The following BCAS3 variants were observed in gnomAD, a reference collection of about 807,000 sequenced individuals.
BCAS3 encodes BCAS4/BCAS3 fusion.
BCAS3 carries 53 observed loss-of-function variants against 116.1 expected under a neutral mutation model. The ratio of observed to expected loss-of-function variants is 0.46; its 90% CI spans 0.37 to 0.57. The LOEUF is 0.57. Ranked by LOEUF, BCAS3 falls within the 20% of genes least tolerant of loss-of-function variation. BCAS3 has a pLI of 0.00. For missense variants in BCAS3, 917 were observed against 1,165.4 expected, an observed-to-expected ratio of 0.79 and a Z score of 3.10; for synonymous variants, 391 against 408.2, an observed-to-expected ratio of 0.96 and a Z score of 0.51.
intron 7 of BCAS3, among the ~76,000 whole-genome samples, chr17:60,831,311 G>T (rs1280700702): frequency 2.0e-5 from 3 of 151,932 alleles, no homozygotes; most frequent in African/African-American, 7.3e-5. Context: ...TGAGTAGCTG[G>T]GACTACAGGC....
In BCAS3 at chr17:61,059,554, C is replaced by T. The variant is rs144446759; in HGVS notation, c.2030-15366C>T. On this transcript the variant is annotated intron_variant, in intron 19 of 23. Transcript: ENST00000407086. The stretch of plus-strand genomic sequence containing the variant: ...TGTGTGAGAATGAATACCCTTCTTC[C>T]GTGAGGTCTTTCTTGCTTCTCATGA... 2.5e-3 allele frequency among the ~76,000 whole-genome samples: 375 copies of T among 152,272 alleles called. 1 individual carries two copies. Among genetic ancestry groups the T allele is most frequent in the Middle Eastern group, 3.4e-3 (1 of 294 alleles).
intron 22 of BCAS3, among the ~76,000 whole-genome samples, chr17:61,262,533 A>G (rs1336881531): frequency 1.3e-5 from 2 of 151,716 alleles, no homozygotes; most frequent in African/African-American, 2.4e-5. Context: ...GGCACGCACC[A>G]CTGCGCCCAG....
At chr17:60,771,553 C>CT (rs201696595) in intron 6 of BCAS3, among the ~76,000 whole-genome samples, 41,242 of 149,848 alleles carry the variant, frequency 0.28, 11,201 homozygotes, top group African/African-American at 0.71. Flanking sequence ...TGACGGGTAT[C>CT]TTTTTTTTTT....
intron 19 of BCAS3, among the ~76,000 whole-genome samples, chr17:61,062,838 T>A (rs1023459416): frequency 6.6e-6 from 1 of 152,158 alleles, no homozygotes; most frequent in Non-Finnish European, 1.5e-5. Flanking sequence ...TGATTTTTTT[T>A]AAGATTAGAA....
chr17:60,904,338 A>C (rs548590985), intron 11 of BCAS3, among the ~76,000 whole-genome samples: 1 of 152,252 alleles, frequency 6.6e-6, no homozygotes, highest in South Asian at 2.1e-4. Flanking sequence ...CAGGAGGCGG[A>C]GGTTTCAGTG....
chr17:61,202,133 ATT>A (rs376323897), intron 22 of BCAS3, among the ~76,000 whole-genome samples: 5 of 82,684 alleles, frequency 6.0e-5, no homozygotes, highest in Non-Finnish European at 6.1e-5. Flanking sequence ...AAAGGTGGTG[ATT>A]TTTTTTTTTT....
intron 5 of BCAS3, among the ~76,000 whole-genome samples, chr17:60,712,096 C>T (rs971384433): frequency 2.0e-5 from 3 of 152,136 alleles, no homozygotes; most frequent in East Asian, 1.9e-4. Flanking sequence ...ACCCGGGAGG[C>T]GGTGGTTACA....
At chr17:61,317,220 G>T (rs573929667) in intron 22 of BCAS3, among the ~76,000 whole-genome samples, 6 of 152,284 alleles carry the variant, frequency 3.9e-5, no homozygotes, top group Non-Finnish European at 2.9e-5. Context: ...AGAGACTCCT[G>T]CTCCACGTCT....
chr17:61,194,503 C>T (rs909235502), intron 22 of BCAS3, among the ~76,000 whole-genome samples: 8 of 152,232 alleles, frequency 5.3e-5, no homozygotes, highest in African/African-American at 1.4e-4. Context: ...CTTTGGGAGG[C>T]CAAGGCGGGT....
chr17:61,191,371 T>C lies in BCAS3; in HGVS notation c.2425+106807T>C, dbSNP rs369495124. Among the ~76,000 whole-genome samples the C allele has an allele frequency of 2.0e-5, 3 of 152,104 alleles. No homozygotes were observed. In the East Asian group the frequency reaches 5.8e-4, roughly 29 times the overall value. The stretch of plus-strand genomic sequence containing the variant: ...AGGTGATAGGACAATAATAAAACAA[T>C]TAAAAAATTTAAGATCCTCAAAAGG... On this transcript the variant is annotated intron_variant, in intron 22 of 23. Coordinates refer to ENST00000407086, the MANE Select transcript of BCAS3 (RefSeq NM_017679.5).
At chr17:61,176,274 A>G (rs938266840) in intron 22 of BCAS3, among the ~76,000 whole-genome samples, 3 of 149,158 alleles carry the variant, frequency 2.0e-5, no homozygotes, top group Admixed American at 6.7e-5. Context: ...AATATATTAT[A>G]TATGTATTTA....
Position 61,105,549 on chromosome 17 carries a change from T to G in BCAS3, c.2425+20985T>G, listed in dbSNP as rs2074589736. On this transcript the variant is annotated intron_variant, in intron 22 of 23. Coordinates refer to ENST00000407086, the MANE Select transcript of BCAS3 (RefSeq NM_017679.5). The surrounding 1 kb of genome is among the most constrained non-coding windows in gnomAD (Gnocchi z 4.3). ...AAGTGATTCTCCTGCCTCAGCCCCA[T>G]GAGTAGCTGGGGTTACAGGCATGTG... 6.6e-6 allele frequency among the ~76,000 whole-genome samples: 1 copy of G among 152,136 alleles called. No individual in the cohort carries two copies. Among genetic ancestry groups the G allele is most frequent in the Non-Finnish European group, 1.5e-5 (1 of 68,006 alleles).
chr17:60,972,610 C>T (rs2062035658), intron 14 of BCAS3, among the ~76,000 whole-genome samples: 1 of 151,868 alleles, frequency 6.6e-6, no homozygotes, highest in African/African-American at 2.4e-5. Flanking sequence ...TACCACCATG[C>T]CCAGCTAATT....
At position 60,689,809 on chromosome 17, in the gene BCAS3, G is replaced by A; in HGVS notation, c.214+48G>A. ...GACGTGTGAATTAATTGTTTGTTTG[G>A]AGTACCTGATTCCAAAAAGAGAGCC... On this transcript the variant is annotated intron_variant, in intron 4 of 23. Transcript: ENST00000407086. The A allele has an allele frequency of 3.1e-6, 4 of 1,307,772 alleles. No individual in the cohort carries two copies. The East Asian group carries it at 7.0e-5, about 23-fold the overall frequency. The allele number at this position is 1,307,772 out of a possible 1,614,324, so 81.0% of individuals were successfully genotyped here.
chr17:60,841,546 ATTTTTTT>A (rs754447784), intron 7 of BCAS3, among the ~76,000 whole-genome samples: 2 of 123,488 alleles, frequency 1.6e-5, no homozygotes, highest in Non-Finnish European at 3.3e-5. Context: ...CACCTGGCTA[ATTTTTTT>A]TTTTTTTTTT....
intron 14 of BCAS3, among the ~76,000 whole-genome samples, chr17:60,980,829 C>G (rs995911774): frequency 2.6e-5 from 4 of 151,952 alleles, no homozygotes; most frequent in African/African-American, 9.7e-5. Flanking sequence ...AGCCACTGTA[C>G]CTGACCTTTA....
intron 7 of BCAS3, among the ~76,000 whole-genome samples, chr17:60,856,446 T>G (rs1473941847): frequency 6.6e-6 from 1 of 152,158 alleles, no homozygotes; most frequent in Non-Finnish European, 1.5e-5. Flanking sequence ...CCCAGCACTT[T>G]CGGGGGCCAA....
At chr17:60,692,566 G>GGGTGAGCAGATCACAAGGTCAAGAGAT (rs1568027155) in intron 4 of BCAS3, among the ~76,000 whole-genome samples, 1 of 151,822 alleles carries the variant, frequency 6.6e-6, no homozygotes, top group African/African-American at 2.4e-5. Flanking sequence ...TTATTATCAT[G>GGGTGAGCAGATCACAAGGTCAAGAGAT]CATGTTGAAT....
In BCAS3 at chr17:61,327,400, A is replaced by G. The variant is rs1192289342; in HGVS notation, c.2426-40927A>G. ...GTCAAGGAGACATTTACAAGTTAAT[A>G]TAATAAATGTAAATGTTTATGACAT... On this transcript the variant is annotated intron_variant, in intron 22 of 23. Transcript: ENST00000407086. The surrounding 1 kb of genome is among the most constrained non-coding windows in gnomAD (Gnocchi z 5.9). Among the ~76,000 whole-genome samples the G allele has an allele frequency of 6.6e-6, 1 of 152,272 alleles. No individual in the cohort carries two copies. Among genetic ancestry groups the G allele is most frequent in the African/African-American group, 2.4e-5 (1 of 41,470 alleles).
Sources: allele counts gnomAD v4.1 joint callset (sites outside exome capture counted in the v4.1 genomes callset), GRCh38; gene constraint gnomAD v4.1.1; non-coding constraint Gnocchi (gnomAD v3.1); transcripts MANE v1.5; gene names NCBI Gene and HGNC (gene_info 2026-07-23, HGNC 2026-07-21).